Variants in WAC observed in about 807,000 individuals in gnomAD.
WAC encodes WW domain containing adaptor with coiled-coil, also known as WW domain-containing adapter protein with coiled-coil.
Under a neutral mutation model 79.6 loss-of-function variants are expected in WAC, and 11 were observed. The ratio of observed to expected loss-of-function variants is 0.14; its 90% CI spans 0.09 to 0.23. The LOEUF is 0.23. WAC is among the 10% of genes least tolerant of loss of function. The probability of loss-of-function intolerance (pLI) is 1.00; values close to 1 mark genes in which losing one functional copy is unlikely to be tolerated. For missense variants in WAC, 728 were observed against 773.5 expected (o/e 0.94, Z 0.70); for synonymous variants, 304 against 276.9 (o/e 1.10, Z -0.97).
At chr10:28,614,226 C>T (rs1841376106) in intron 10 of WAC, among the ~76,000 whole-genome samples, 1 of 152,010 alleles carries the variant, frequency 6.6e-6, no homozygotes, top group African/African-American at 2.4e-5. Flanking sequence ...CTGCCTCAGC[C>T]TCCCGAGTAG....
At chr10:28,573,038 C>CT (rs1191666289) in intron 3 of WAC, among the ~76,000 whole-genome samples, 1 of 152,138 alleles carries the variant, frequency 6.6e-6, no homozygotes, top group Non-Finnish European at 1.5e-5. Context: ...CCCAGATTGC[C>CT]TGATTGCTAG....
At chr10:28,583,890 G>C (rs1839670220) in intron 4 of WAC, among the ~76,000 whole-genome samples, 1 of 152,148 alleles carries the variant, frequency 6.6e-6, no homozygotes, top group South Asian at 2.1e-4. Context: ...ATTATCTACT[G>C]TGTCTTACAC....
Sources: allele counts gnomAD v4.1 joint callset (sites outside exome capture counted in the v4.1 genomes callset), GRCh38; gene constraint gnomAD v4.1.1; transcripts MANE v1.5; gene names NCBI Gene and HGNC (gene_info 2026-07-23, HGNC 2026-07-21).